The following ATRX variants were observed in gnomAD, a reference collection of about 807,000 sequenced individuals.
The protein encoded by ATRX is chromatin remodeler ATRX.
Under a neutral mutation model 172.6 loss-of-function variants are expected in ATRX, and 12 were observed. That is an observed-to-expected ratio of 0.07 (90% CI 0.04 to 0.11). The LOEUF is 0.11. ATRX is among the 10% of genes least tolerant of loss of function. ATRX has a pLI of 1.00. For missense variants in ATRX, 1,368 were observed against 1,767.4 expected (o/e 0.77, Z 4.05); for synonymous variants, 674 against 594.7 (o/e 1.13, Z -1.94).
intron 34 of ATRX, among the ~76,000 whole-genome samples, chrX:77,516,534 T>C (rs1279406815): frequency 1.8e-5 from 2 of 111,709 alleles, no homozygotes; most frequent in African/African-American, 6.5e-5. Context: ...AGCAACAAGA[T>C]ACAACAATTG....
chrX:77,699,269 G>A (rs1382676872), intron 2 of ATRX, among the ~76,000 whole-genome samples: 2 of 110,398 alleles, frequency 1.8e-5, no homozygotes, highest in African/African-American at 6.6e-5. Flanking sequence ...AGGTAGCTGG[G>A]ACTACAGGCG....
intron 30 of ATRX, among the ~76,000 whole-genome samples, chrX:77,536,006 C>T (rs377065002): frequency 1.8e-5 from 2 of 109,179 alleles, no homozygotes; most frequent in East Asian, 5.8e-4. Context: ...TCCCAAAGTG[C>T]TGGGATTACA....
chrX:77,772,167 A>G (rs781828609), intron 1 of ATRX, among the ~76,000 whole-genome samples: 1 of 109,363 alleles, frequency 9.1e-6, no homozygotes, highest in South Asian at 4.0e-4. Flanking sequence ...GCACGGTGGC[A>G]TACGCCTGTA....
chrX:77,608,546 T>C (rs1232829099), intron 22 of ATRX, among the ~76,000 whole-genome samples: 3 of 111,105 alleles, frequency 2.7e-5, no homozygotes, highest in Non-Finnish European at 5.7e-5. Flanking sequence ...CGCAGAAGAA[T>C]GAATCTGGAC....
intron 6 of ATRX, among the ~76,000 whole-genome samples, chrX:77,692,831 G>A (rs1160020581): frequency 2.9e-5 from 3 of 103,749 alleles, no homozygotes; most frequent in Non-Finnish European, 2.0e-5. Flanking sequence ...TTTATAGATG[G>A]TTAGCCAATA....
intron 11 of ATRX, among the ~76,000 whole-genome samples, chrX:77,664,073 C>T (rs868906976): frequency 6.1e-4 from 65 of 106,843 alleles, no homozygotes; most frequent in African/African-American, 2.1e-3. Flanking sequence ...TGCACCCCTG[C>T]CTGGGCAACA....
At chrX:77,536,871 C>G (rs1569518894) in intron 30 of ATRX, among the ~76,000 whole-genome samples, 1 of 110,533 alleles carries the variant, frequency 9.0e-6, no homozygotes, top group African/African-American at 3.3e-5. Context: ...GCACACACAC[C>G]AAAAAAAGGT....
At chrX:77,674,369 A>G (rs1041715431) in intron 10 of ATRX, 1 of 111,294 alleles carries the variant, frequency 9.0e-6, no homozygotes, top group Non-Finnish European at 1.9e-5. Context: ...AATAAATTGT[A>G]TATTTTATAA....
chrX:77,664,577 T>C lies in ATRX; in HGVS notation c.3943+68A>G. ...TATTAAGATATTTCTTGGTCAGATA[T>C]TCTTCAAAGACTGAATTAGTCAAGG... On this transcript the variant is annotated intron_variant, in intron 11 of 34. Transcript: ENST00000373344. The C allele has an allele frequency of 1.1e-5, 13 of 1,173,947 alleles. No homozygotes were observed. The South Asian group carries it at 2.0e-4, about 18-fold the overall frequency.
chrX:77,664,710 T>C lies in ATRX; in HGVS notation c.3878A>G (p.Asp1293Gly), dbSNP rs782663912. ...NLSSDEDGSS[D>G]DEPEEGKKRT... ...TTTTTTCCCTTCTTCTGGCTCATCA[T>C]CTGAAGATCCATCCTCATCAGAGGA... Residue 1293 changes from aspartate to glycine, a missense_variant, in exon 11 of 35, where the codon GAT (aspartate) becomes GGT (glycine). This residue lies in a region of ATRX where 119 missense variants were observed against 131.3 expected (regional missense o/e 0.91). Transcript: ENST00000373344. 8.3e-7 allele frequency: 1 copy of C among 1,209,880 alleles called. No homozygotes were observed. Among genetic ancestry groups the C allele is most frequent in the Admixed American group, 2.2e-5 (1 of 46,001 alleles).
At chrX:77,618,763 TA>T (rs782232154) in intron 21 of ATRX, 42 bp downstream of exon 21, 2 of 1,129,927 alleles carry the variant, frequency 1.8e-6, no homozygotes, top group Admixed American at 2.2e-5. Context: ...GATTGTTATA[TA>T]AAAAAGTAAG....
rs1557120053 is a variant in ATRX, at chrX:77,656,652, C to T, written c.4122G>A (p.Val1374=). 14 of 1,183,541 alleles carry T rather than the reference C, an allele frequency of 1.2e-5. No individual in the cohort carries two copies. Among genetic ancestry groups the T allele is most frequent in the South Asian group, 1.9e-5 (1 of 53,894 alleles). The part of the protein sequence containing the change: ...KEVKGRNRRK[V]SSEDSEDSDF... ...CAGAATCTTCTGAATCTTCACTGCT[C>T]ACTTGAATTTTAAAAAATACATAAA... The change falls in exon 13 of 35, where the codon GTG becomes GTA. Residue 1374 remains valine (V), a splice_region_variant and synonymous_variant. Transcript: ENST00000373344.
chrX:77,720,491 G>A (rs2073697297), intron 1 of ATRX, among the ~76,000 whole-genome samples: 1 of 111,225 alleles, frequency 9.0e-6, no homozygotes, highest in Admixed American at 9.6e-5. Flanking sequence ...TGATAAAGGG[G>A]ATATCACCAC....
chrX:77,606,525 A>G (rs1557090569), intron 22 of ATRX, among the ~76,000 whole-genome samples: 1 of 111,620 alleles, frequency 9.0e-6, no homozygotes, highest in East Asian at 2.8e-4. Flanking sequence ...CATTCATACA[A>G]AAAACCTCAA....
At chrX:77,572,842 G>T (rs1406574169) in intron 28 of ATRX, among the ~76,000 whole-genome samples, 2 of 111,685 alleles carry the variant, frequency 1.8e-5, no homozygotes, top group South Asian at 3.7e-4. Flanking sequence ...TAGGCTACGG[G>T]TTTTCAATAA....
intron 3 of ATRX, among the ~76,000 whole-genome samples, chrX:77,697,901 C>T (rs1461848323): frequency 8.9e-6 from 1 of 111,802 alleles, no homozygotes; most frequent in African/African-American, 3.2e-5. Context: ...TACATGGTTG[C>T]TGTGGCATGC....
chrX:77,614,832 C>T (rs1557095850), intron 22 of ATRX, among the ~76,000 whole-genome samples: 3 of 111,950 alleles, frequency 2.7e-5, no homozygotes, highest in African/African-American at 9.7e-5. Context: ...TTCTATCTAA[C>T]TATGTGTCTG....
chrX:77,670,585 T>C (rs1345468543), intron 10 of ATRX, among the ~76,000 whole-genome samples: 1 of 109,005 alleles, frequency 9.2e-6, no homozygotes, highest in East Asian at 2.9e-4. Flanking sequence ...CAAAACCCCA[T>C]CTCTACTAAA....
chrX:77,692,023 T>C (rs1323477660), intron 6 of ATRX, among the ~76,000 whole-genome samples: 2 of 111,781 alleles, frequency 1.8e-5, no homozygotes, highest in Non-Finnish European at 3.8e-5. Flanking sequence ...TGAGACCAAA[T>C]GTCAGCAGCA....
Sources: allele counts gnomAD v4.1 joint callset (sites outside exome capture counted in the v4.1 genomes callset), GRCh38; gene constraint gnomAD v4.1.1; regional missense constraint gnomAD v4.1.1; transcripts MANE v1.5; gene names NCBI Gene and HGNC (gene_info 2026-07-23, HGNC 2026-07-21).